ATP8B1: variants seen among roughly 807,000 people sequenced by gnomAD.
ATP8B1 encodes phospholipid-transporting ATPase IC.
In ATP8B1, 80 loss-of-function variants were observed where a neutral mutation model predicts 149.9. That is an observed-to-expected ratio of 0.53 (90% CI 0.45 to 0.64). The LOEUF (loss-of-function observed/expected upper bound fraction) is 0.64, where lower values mean the gene tolerates loss of function less well. Ranked by LOEUF, ATP8B1 falls within the 30% of genes least tolerant of loss-of-function variation. The probability of loss-of-function intolerance (pLI) is 0.00; values close to 1 mark genes in which losing one functional copy is unlikely to be tolerated. For missense variants in ATP8B1, 1,247 were observed against 1,552.6 expected (o/e 0.80, Z 3.31); for synonymous variants, 536 against 562.8 (o/e 0.95, Z 0.67).
chr18:57,661,495 A>G, intron 21 of ATP8B1, 33 bp from the exon 22 acceptor site: 1 of 1,606,680 alleles, frequency 6.2e-7, no homozygotes, highest in Non-Finnish European at 8.5e-7. Context: ...GGTTACATTC[A>G]CTTTAGTTTT....
At chr18:57,735,158 C>T (rs982087464) in intron 1 of ATP8B1, 3 of 155,052 alleles carry the variant, frequency 1.9e-5, no homozygotes, top group Non-Finnish European at 4.3e-5. Flanking sequence ...CAGCTGCACC[C>T]TTCTGGTTAC....
chr18:57,750,687 C>T (rs1243929860), intron 1 of ATP8B1, among the ~76,000 whole-genome samples: 1 of 152,234 alleles, frequency 6.6e-6, no homozygotes, highest in African/African-American at 2.4e-5. Context: ...TTTCCTCCTT[C>T]ATCTTAACAG....
intron 22 of ATP8B1, among the ~76,000 whole-genome samples, chr18:57,658,260 G>A (rs1014089438): frequency 1.3e-5 from 2 of 152,120 alleles, no homozygotes; most frequent in Non-Finnish European, 2.9e-5. Context: ...ATGTTGGCCA[G>A]GCTGGTCTCG....
At chr18:57,759,715 A>G (rs2080128600) in intron 1 of ATP8B1, among the ~76,000 whole-genome samples, 1 of 151,538 alleles carries the variant, frequency 6.6e-6, no homozygotes, top group Non-Finnish European at 1.5e-5. Context: ...TCTACTCGGG[A>G]GGCTGAGGCA....
At chr18:57,728,059 G>A (rs1206990744) in intron 2 of ATP8B1, among the ~76,000 whole-genome samples, 7 of 152,056 alleles carry the variant, frequency 4.6e-5, no homozygotes, top group African/African-American at 1.7e-4. Flanking sequence ...CACAATAAAG[G>A]TCCTTCTAGT....
At position 57,661,393 on chromosome 18, in the gene ATP8B1, C is replaced by T; in HGVS notation, c.2488G>A (p.Glu830Lys). The T allele has an allele frequency of 1.2e-6, 2 of 1,613,964 alleles. No individual in the cohort carries two copies. Among genetic ancestry groups the T allele is most frequent in the Non-Finnish European group, 1.7e-6 (2 of 1,180,004 alleles). Residue 830 changes from glutamate (E) to lysine (K), a missense_variant, in exon 22 of 28, where the codon GAA becomes AAA. Glu to Lys is a moderately conservative substitution (Grantham distance 56). Around this residue, in one of 3 missense-constraint regions of ATP8B1, gnomAD observed 853 missense variants for 1,035.7 expected, o/e 0.82. Coordinates refer to ENST00000648908, the MANE Select transcript of ATP8B1 (RefSeq NM_001374385.1). ...CTTTGGGTCCGCATCCGTCTTTCTT[C>T]TTCTGTTCTTGGGAACTTCAGCTTC... is the stretch of plus-strand genomic sequence containing the variant. ...ILKLKFPRTE[E>K]ERRMRTQSKR... is the part of the protein sequence containing the mutation.
Position 57,668,560 on chromosome 18 carries a change from A to AAAAAAAG in ATP8B1, c.2098-21_2098-20insCTTTTTT, listed in dbSNP as rs1320407088. On this transcript the variant is annotated intron_variant, in intron 18 of 27. Transcript: ENST00000648908. The stretch of plus-strand genomic sequence containing the variant: ...CAGGAGCTAGAATGTATATTAAAAA[A>AAAAAAAG]AAAAAAAAAAGGAATTAGCAAACAA... The AAAAAAAG allele has an allele frequency of 6.9e-7, 1 of 1,446,818 alleles. No homozygotes were observed. The highest frequency in any genetic ancestry group is 2.4e-5 in the East Asian group (1 of 42,432). 89.6% of individuals were successfully genotyped at this position (1,446,818 alleles called of 1,614,324 possible). A position where few individuals can be genotyped will look rare whatever the true frequency, so the allele number is the denominator to read the frequency against.
intron 1 of ATP8B1, among the ~76,000 whole-genome samples, chr18:57,733,172 C>T (rs1041754967): frequency 5.3e-5 from 8 of 152,156 alleles, no homozygotes; most frequent in African/African-American, 1.9e-4. Context: ...AGGTTACAGA[C>T]ACACAGCCTG....
intron 16 of ATP8B1, among the ~76,000 whole-genome samples, chr18:57,674,241 C>CAAAAAAAAA (rs745500180): frequency 1.3e-4 from 11 of 82,516 alleles, no homozygotes; most frequent in South Asian, 1.1e-3. Flanking sequence ...GACTCCATCT[C>CAAAAAAAAA]AAAAAAAAAA....
intron 14 of ATP8B1, 145 bp downstream of exon 14, chr18:57,684,927 A>G: frequency 1.0e-6 from 1 of 1,002,698 alleles, no homozygotes; most frequent in Non-Finnish European, 1.6e-6. Flanking sequence ...CTCCAAGCCA[A>G]GGAACACCAA....
chr18:57,663,667 C>T (rs562665962), intron 20 of ATP8B1, among the ~76,000 whole-genome samples: 1 of 152,044 alleles, frequency 6.6e-6, no homozygotes, highest in East Asian at 1.9e-4. Context: ...ATTTATCTTC[C>T]CCTAATGATT....
chr18:57,796,014 C>A (rs575929149), intron 1 of ATP8B1, among the ~76,000 whole-genome samples: 103 of 152,052 alleles, frequency 6.8e-4, no homozygotes, highest in Non-Finnish European at 1.1e-3. Context: ...ACTAAAAATA[C>A]AAAAATTAGC....
intron 1 of ATP8B1, among the ~76,000 whole-genome samples, chr18:57,783,557 C>G (rs900321608): frequency 6.6e-6 from 1 of 152,076 alleles, no homozygotes; most frequent in Non-Finnish European, 1.5e-5. Context: ...AATTGAAGAC[C>G]GGGCATAGTG....
chr18:57,733,440 C>T (rs2929064), intron 1 of ATP8B1, among the ~76,000 whole-genome samples: 149,624 of 152,156 alleles, frequency 0.98, 73,616 homozygotes, highest in East Asian at 1. Flanking sequence ...CGCACGGTGG[C>T]TCACACCTGT....
intron 1 of ATP8B1, among the ~76,000 whole-genome samples, chr18:57,750,676 T>C (rs1260394205): frequency 6.6e-6 from 1 of 152,222 alleles, no homozygotes; most frequent in Non-Finnish European, 1.5e-5. Context: ...CAACCTACTC[T>C]TTTCCTCCTT....
intron 23 of ATP8B1, among the ~76,000 whole-genome samples, chr18:57,654,357 C>T (rs981950988): frequency 9.2e-5 from 14 of 151,550 alleles, no homozygotes; most frequent in East Asian, 2.0e-4. Flanking sequence ...CTCACTCTGT[C>T]GCCCAGGCTG....
At position 57,731,507 on chromosome 18, in the gene ATP8B1, G is replaced by A. The variant is rs191549301; in HGVS notation, c.181+120C>T. The A allele has an allele frequency of 1.8e-5, 20 of 1,139,020 alleles. No homozygotes were observed. In the Admixed American group the frequency reaches 3.8e-4, roughly 21 times the overall value. The allele number at this position is 1,139,020 out of a possible 1,614,324, so 70.6% of individuals were successfully genotyped here. ...CATTCTGTCAGTCGCATCCTAAGAA[G>A]AGATCAGAGAAGATTCTCTCCTAGA... On this transcript the variant is annotated intron_variant, in intron 2 of 27. Transcript: ENST00000648908.
intron 2 of ATP8B1, among the ~76,000 whole-genome samples, chr18:57,721,355 TCACGTGCAGAGACACA>T (rs1352068988): frequency 5.4e-5 from 8 of 147,072 alleles, no homozygotes; most frequent in African/African-American, 1.5e-4. Flanking sequence ...GAAACCCATC[TCACGTGCAGAGACACA>T]CACAGGCTCA....
At chr18:57,677,848 G>A (rs184625147) in intron 15 of ATP8B1, among the ~76,000 whole-genome samples, 4 of 152,194 alleles carry the variant, frequency 2.6e-5, no homozygotes, top group East Asian at 3.9e-4. Flanking sequence ...GACAGCAAAC[G>A]CATTTCCAGC....
Sources: allele counts gnomAD v4.1 joint callset (sites outside exome capture counted in the v4.1 genomes callset), GRCh38; gene constraint gnomAD v4.1.1; regional missense constraint gnomAD v4.1.1; transcripts MANE v1.5; gene names NCBI Gene and HGNC (gene_info 2026-07-23, HGNC 2026-07-21).